Variants in BMAL1 observed in about 807,000 individuals in gnomAD.
The protein encoded by BMAL1 is basic helix-loop-helix ARNT-like protein 1.
At chr11:13,304,181 G>A in the BMAL1 span, among the ~76,000 whole-genome samples, 1 of 152,198 alleles carries the variant, frequency 6.6e-6, no homozygotes, top group Non-Finnish European at 1.5e-5. Context: ...GCTGTGTTGA[G>A]AGTGGACTGA....
the BMAL1 span, among the ~76,000 whole-genome samples, chr11:13,374,803 A>G: frequency 1.3e-5 from 2 of 152,186 alleles, no homozygotes; most frequent in Non-Finnish European, 2.9e-5. Context: ...GAGCCTGGTA[A>G]CATCAGCCTG....
chr11:13,370,156 T>C, the BMAL1 span, among the ~76,000 whole-genome samples: 3 of 152,176 alleles, frequency 2.0e-5, no homozygotes, highest in Admixed American at 1.3e-4. Context: ...TCTTGAAGTG[T>C]TCTCTTCTCC....
the BMAL1 span, among the ~76,000 whole-genome samples, chr11:13,371,530 T>A: frequency 6.6e-6 from 1 of 152,222 alleles, no homozygotes; most frequent in Non-Finnish European, 1.5e-5. Flanking sequence ...TACTTCTGTT[T>A]TCTACTGTCT....
chr11:13,364,930 T>C, the BMAL1 span, among the ~76,000 whole-genome samples: 2 of 152,134 alleles, frequency 1.3e-5, no homozygotes, highest in African/African-American at 4.8e-5. Context: ...GGAAGTGGGA[T>C]GGGTTTAAAA....
the BMAL1 span, among the ~76,000 whole-genome samples, chr11:13,343,862 A>G: frequency 1.3e-5 from 2 of 152,248 alleles, no homozygotes; most frequent in African/African-American, 4.8e-5. Context: ...TTTGATTGAC[A>G]AAGTGCCTCA....
chr11:13,360,892 C>T, the BMAL1 span, among the ~76,000 whole-genome samples: 1 of 152,146 alleles, frequency 6.6e-6, no homozygotes, highest in Non-Finnish European at 1.5e-5. Context: ...CCAAGACGGG[C>T]AGATCACCTG....
chr11:13,343,600 T>C, the BMAL1 span, among the ~76,000 whole-genome samples: 1 of 152,210 alleles, frequency 6.6e-6, no homozygotes, highest in African/African-American at 2.4e-5. Context: ...AGTGAGTTGG[T>C]AGCTTGTTCT....
chr11:13,375,087 C>T, the BMAL1 span, among the ~76,000 whole-genome samples: 1 of 152,320 alleles, frequency 6.6e-6, no homozygotes, highest in East Asian at 1.9e-4. Context: ...GTATAGCCTT[C>T]CCTCACTACT....
At chr11:13,280,145 G>C in the BMAL1 span, among the ~76,000 whole-genome samples, 2 of 152,234 alleles carry the variant, frequency 1.3e-5, no homozygotes, top group South Asian at 4.1e-4. Context: ...GGCACCTCCA[G>C]AATATCTGAG....
chr11:13,307,348 G>A, the BMAL1 span, among the ~76,000 whole-genome samples: 1 of 152,214 alleles, frequency 6.6e-6, no homozygotes, highest in African/African-American at 2.4e-5. Context: ...AGGCGGGTTC[G>A]TAGGCCACTG....
the BMAL1 span, among the ~76,000 whole-genome samples, chr11:13,290,422 T>C: frequency 6.6e-6 from 1 of 152,182 alleles, no homozygotes; most frequent in Non-Finnish European, 1.5e-5. Context: ...CCTGGGGCAT[T>C]AGGCAGCGAT....
the BMAL1 span, chr11:13,365,551 T>C: frequency 6.2e-7 from 1 of 1,613,756 alleles, no homozygotes; most frequent in Non-Finnish European, 8.5e-7. Context: ...GAAGATACTC[T>C]TTGTCTCAGA....
At chr11:13,357,144 C>T in the BMAL1 span, 2 of 1,610,724 alleles carry the variant, frequency 1.2e-6, no homozygotes, top group Non-Finnish European at 8.5e-7. The surrounding 1 kb of genome is among the most constrained non-coding windows in gnomAD (Gnocchi z 4.8). Context: ...GTTCTGGTTG[C>T]TTAGAGAGCA....
the BMAL1 span, among the ~76,000 whole-genome samples, chr11:13,336,247 T>C: frequency 2.0e-5 from 3 of 152,206 alleles, no homozygotes; most frequent in African/African-American, 4.8e-5. Flanking sequence ...GTTTCCATTG[T>C]CATATTTTTT....
chr11:13,324,730 G>A, the BMAL1 span, among the ~76,000 whole-genome samples: 17 of 152,348 alleles, frequency 1.1e-4, no homozygotes, highest in Admixed American at 9.1e-4. Context: ...CTAAAACAGA[G>A]CCTGGCACAC....
the BMAL1 span, among the ~76,000 whole-genome samples, chr11:13,355,545 T>C: frequency 5.9e-5 from 9 of 152,348 alleles, no homozygotes; most frequent in South Asian, 1.0e-3. Flanking sequence ...GGTTTGCTAA[T>C]CTTCTGTAAT....
At chr11:13,295,904 G>A in the BMAL1 span, among the ~76,000 whole-genome samples, 4 of 152,108 alleles carry the variant, frequency 2.6e-5, no homozygotes, top group Non-Finnish European at 5.9e-5. Context: ...CTCTCACCCA[G>A]CCACCCCCAG....
the BMAL1 span, among the ~76,000 whole-genome samples, chr11:13,333,283 C>T: frequency 6.6e-6 from 1 of 152,118 alleles, no homozygotes; most frequent in Non-Finnish European, 1.5e-5. Flanking sequence ...GTCTTTAAAT[C>T]GTCCAGAGTA....
chr11:13,368,536 C>T, the BMAL1 span, among the ~76,000 whole-genome samples: 3 of 152,114 alleles, frequency 2.0e-5, no homozygotes, highest in East Asian at 1.9e-4. Context: ...TAGGGGAGAT[C>T]GCAGAGCTGG....
Sources: allele counts gnomAD v4.1 joint callset (sites outside exome capture counted in the v4.1 genomes callset), GRCh38; gene constraint gnomAD v4.1.1; non-coding constraint Gnocchi (gnomAD v3.1); transcripts MANE v1.5; gene names NCBI Gene and HGNC (gene_info 2026-07-23, HGNC 2026-07-21).